AMPH: variants seen among roughly 807,000 people sequenced by gnomAD.
AMPH encodes the protein amphiphysin.
A neutral mutation model predicts 99.1 loss-of-function variants in AMPH; 49 were observed. The ratio of observed to expected loss-of-function variants is 0.49; its 90% confidence interval spans 0.39 to 0.63. AMPH has a LOEUF of 0.63. Among genes scored for constraint, AMPH ranks in the 20% least tolerant of loss-of-function variants. The pLI is 0.00. For synonymous variants in AMPH, 314 were observed against 317.3 expected (o/e 0.99, Z 0.11); for missense variants, 759 against 863.4 (o/e 0.88, Z 1.52).
chr7:38,483,918 G>A (rs929667226), intron 5 of AMPH, among the ~76,000 whole-genome samples: 1 of 151,980 alleles, frequency 6.6e-6, no homozygotes, highest in Non-Finnish European at 1.5e-5. Flanking sequence ...TAAACAAAGT[G>A]ATATAGAAAA....
intron 2 of AMPH, among the ~76,000 whole-genome samples, chr7:38,518,312 G>A (rs900833419): frequency 6.6e-6 from 1 of 152,202 alleles, no homozygotes; most frequent in Non-Finnish European, 1.5e-5. Flanking sequence ...CTAGGGCAAT[G>A]TATAGTGGAG....
intron 12 of AMPH, among the ~76,000 whole-genome samples, chr7:38,435,742 C>A (rs7791817): frequency 0.05 from 7,572 of 152,182 alleles, 208 homozygotes; most frequent in South Asian, 0.088. Context: ...CTCCATCAAA[C>A]CATAACCATG....
At chr7:38,411,848 T>G (rs1785226099) in intron 17 of AMPH, among the ~76,000 whole-genome samples, 1 of 152,168 alleles carries the variant, frequency 6.6e-6, no homozygotes, top group African/African-American at 2.4e-5. Context: ...GATTATGAAT[T>G]GGGCCCAATA....
At chr7:38,515,101 T>C (rs1789689569) in intron 2 of AMPH, among the ~76,000 whole-genome samples, 2 of 152,084 alleles carry the variant, frequency 1.3e-5, no homozygotes, top group South Asian at 4.1e-4. Flanking sequence ...GCCATTCTGG[T>C]GATGTCTCAG....
rs529941009 is a variant in AMPH, at chr7:38,545,995, C to T, written c.70-10984G>A. ...GGATGATTGCTAATAGACCAAAAAA[C>T]CAAACCCTACTTCCTCTGGTAATGA... On this transcript the variant is annotated intron_variant, in intron 1 of 20. Transcript: ENST00000356264. Among the ~76,000 whole-genome samples, 4 of 152,250 alleles carry T rather than the reference C, an allele frequency of 2.6e-5. No individual in the cohort carries two copies. In the South Asian group the frequency reaches 8.3e-4, roughly 32 times the overall value.
intron 7 of AMPH, 44 bp downstream of exon 7, chr7:38,475,287 A>G: frequency 1.5e-6 from 2 of 1,292,914 alleles, no homozygotes; most frequent in Non-Finnish European, 2.2e-6. Context: ...CTGATCTTGA[A>G]TTTCTAAAAG....
rs142677178 is a variant in AMPH at position 38,429,455 on chromosome 7, G to A, written c.1182+387C>T. ...CTTGGCTGACCCTGTCTGTACTAGCGTCAGGGCCCCAAGTAAATGCACCTA... is the reference window on the plus strand; with the variant it reads ...CTTGGCTGACCCTGTCTGTACTAGCATCAGGGCCCCAAGTAAATGCACCTA... On this transcript the variant is annotated intron_variant, in intron 14 of 20. Transcript: ENST00000356264. The A allele has an allele frequency of 8.8e-5, 115 of 1,300,308 alleles. 1 individual carries two copies. In the Middle Eastern group the frequency reaches 1.3e-3, roughly 14 times the overall value. 80.5% of individuals were successfully genotyped at this position (1,300,308 alleles called of 1,614,324 possible).
chr7:38,542,292 T>A (rs949302435), intron 1 of AMPH, among the ~76,000 whole-genome samples: 1 of 152,198 alleles, frequency 6.6e-6, no homozygotes, highest in Non-Finnish European at 1.5e-5. Context: ...AGTCATCCCA[T>A]GAGACTCGGA....
At chr7:38,525,453 T>C (rs997846336) in intron 2 of AMPH, among the ~76,000 whole-genome samples, 5 of 150,300 alleles carry the variant, frequency 3.3e-5, no homozygotes, top group African/African-American at 9.9e-5. Flanking sequence ...TGCGTGTGTG[T>C]GTGTGTGTGT....
Position 38,391,779 on chromosome 7 carries a change from G to T in AMPH, c.1847C>A (p.Ser616Tyr), listed in dbSNP as rs754193962. 1.2e-5 allele frequency: 19 copies of T among 1,613,964 alleles called. No individual in the cohort carries two copies. The highest frequency in any genetic ancestry group is 1.4e-5 in the Non-Finnish European group (17 of 1,179,970). The change falls in exon 19 of 21, where the codon TCT becomes TAT. Residue 616 changes from serine to tyrosine, a missense_variant. Physicochemically the swap from Ser to Tyr is moderately radical, Grantham distance 144. Around this residue, in one of 2 missense-constraint regions of AMPH, gnomAD observed 554 missense variants for 575.6 expected, o/e 0.96. Transcript: ENST00000356264. ...ADQLASAREA[S>Y]QELPPGFLYK... ...GAGAAAGCCAGGAGGCAATTCCTGA[G>T]AGGCCTCCCTTGCAGATGCTAGCTG...
intron 17 of AMPH, among the ~76,000 whole-genome samples, chr7:38,397,076 G>A (rs1003868065): frequency 6.6e-6 from 1 of 152,208 alleles, no homozygotes; most frequent in Non-Finnish European, 1.5e-5. Flanking sequence ...CAGACGGTAT[G>A]GACAAACAGA....
At chr7:38,589,096 G>T (rs1174945489) in intron 1 of AMPH, among the ~76,000 whole-genome samples, 1 of 152,098 alleles carries the variant, frequency 6.6e-6, no homozygotes, top group East Asian at 1.9e-4. Flanking sequence ...TATTCCTATT[G>T]ATCAAATTCC....
intron 13 of AMPH, 51 bp from the exon 14 acceptor site, chr7:38,429,916 A>C: frequency 6.5e-7 from 1 of 1,533,168 alleles, no homozygotes; most frequent in South Asian, 1.2e-5. Flanking sequence ...AAAATTCACT[A>C]ACACAATAAA....
chr7:38,479,479 G>A (rs1217008853), intron 5 of AMPH, among the ~76,000 whole-genome samples: 1 of 152,088 alleles, frequency 6.6e-6, no homozygotes, highest in Admixed American at 6.5e-5. Context: ...AAAAATCAAT[G>A]TAAAATATAA....
intron 1 of AMPH, 21 bp downstream of exon 1, chr7:38,631,262 C>T: frequency 6.6e-7 from 1 of 1,513,324 alleles, no homozygotes; most frequent in Non-Finnish European, 8.8e-7. Flanking sequence ...CCGGCCCCAG[C>T]CCCGGCCGCC....
At chr7:38,582,119 C>G (rs541695846) in intron 1 of AMPH, among the ~76,000 whole-genome samples, 1 of 152,174 alleles carries the variant, frequency 6.6e-6, no homozygotes, top group African/African-American at 2.4e-5. Flanking sequence ...AAGCCCGAAG[C>G]CTGAGCCATG....
intron 5 of AMPH, among the ~76,000 whole-genome samples, chr7:38,482,526 G>A (rs149245543): frequency 3.8e-4 from 58 of 152,174 alleles, no homozygotes; most frequent in East Asian, 3.5e-3. Flanking sequence ...TTCAATAAAC[G>A]TAATTCTGTA....
At chr7:38,540,107 T>C (rs1030795957) in intron 1 of AMPH, among the ~76,000 whole-genome samples, 1 of 152,234 alleles carries the variant, frequency 6.6e-6, no homozygotes, top group Non-Finnish European at 1.5e-5. Flanking sequence ...GTATTTGATA[T>C]GCAGATTTTG....
intron 20 of AMPH, 28 bp downstream of exon 20, chr7:38,389,776 C>T: frequency 1.3e-6 from 2 of 1,559,212 alleles, no homozygotes; most frequent in South Asian, 2.2e-5. Context: ...CAACGTAGCC[C>T]AAAGCATCTT....
Sources: allele counts gnomAD v4.1 joint callset (sites outside exome capture counted in the v4.1 genomes callset), GRCh38; gene constraint gnomAD v4.1.1; regional missense constraint gnomAD v4.1.1; transcripts MANE v1.5; gene names NCBI Gene and HGNC (gene_info 2026-07-23, HGNC 2026-07-21).